Variants in RGPD1 observed in about 807,000 individuals in gnomAD.
The protein encoded by RGPD1 is RANBP2 like and GRIP domain containing 1, also known as RANBP2-like and GRIP domain-containing protein 1.
RGPD1 carries 7 observed loss-of-function variants against 40.6 expected under a neutral mutation model. The ratio of observed to expected loss-of-function variants is 0.17; its 90% confidence interval spans 0.10 to 0.32. The LOEUF is 0.32. Among genes scored for constraint, RGPD1 ranks in the 10% least tolerant of loss-of-function variants. The probability of loss-of-function intolerance (pLI) is 1.00; values close to 1 mark genes in which losing one functional copy is unlikely to be tolerated. For synonymous variants in RGPD1, 24 were observed against 167.0 expected (o/e 0.14, Z 6.60); for missense variants, 50 against 472.5 (o/e 0.11, Z 8.29).
chr2:86,932,919 GAGT>G (rs1679080951), intron 1 of RGPD1, among the ~76,000 whole-genome samples: 1 of 133,386 alleles, frequency 7.5e-6, no homozygotes, highest in Admixed American at 7.8e-5. Flanking sequence ...CTTATTTTAA[GAGT>G]AGGACATTAT....
rs1558799340 is a variant in RGPD1, at chr2:86,942,407, A to G, written c.72+99A>G. Reference sequence around the variant, plus strand: ...TCGACCTGGCCGGGCGGCGGCCTCGATGGCTCAGGCGTCATGGCTCCCGAC... The same window carrying G: ...TCGACCTGGCCGGGCGGCGGCCTCGGTGGCTCAGGCGTCATGGCTCCCGAC... On this transcript the variant is annotated intron_variant, in intron 1 of 22. Transcript: ENST00000641458. The G allele has an allele frequency of 7.5e-6, 9 of 1,199,814 alleles. No homozygotes were observed. The African/African-American group carries it at 9.4e-5, about 13-fold the overall frequency. The allele number at this position is 1,199,814 out of a possible 1,614,324, so 74.3% of individuals were successfully genotyped here. A position where few individuals can be genotyped will look rare whatever the true frequency, so the allele number is the denominator to read the frequency against.
intron 4 of RGPD1, among the ~76,000 whole-genome samples, chr2:86,954,762 G>A (rs1477365958): frequency 6.6e-6 from 1 of 150,530 alleles, no homozygotes; most frequent in Non-Finnish European, 1.5e-5. Flanking sequence ...GGTACAATGT[G>A]TATGTATAGT....
intron 1 of RGPD1, among the ~76,000 whole-genome samples, chr2:86,931,965 ATATT>A (rs1451332892): frequency 9.2e-4 from 137 of 148,336 alleles, no homozygotes; most frequent in African/African-American, 2.8e-3. Context: ...CATTATATAT[ATATT>A]TATATATAAT....
rs1383805069 is a variant in RGPD1, at chr2:86,943,698, CTG to C, written c.72+1392_72+1393del. Among the ~76,000 whole-genome samples the C allele has an allele frequency of 1.7e-4, 26 of 152,298 alleles. No homozygotes were observed. The East Asian group carries it at 3.1e-3, about 18-fold the overall frequency. On this transcript the variant is annotated intron_variant, in intron 1 of 22. Coordinates refer to ENST00000641458, the MANE Select transcript of RGPD1 (RefSeq NM_001382344.1). ...AGCACTAAGTGTTAGCTACAAGTCA[CTG>C]TTTTTATTGTTGATGTTAAAAGGAT...
intron 1 of RGPD1, among the ~76,000 whole-genome samples, chr2:86,931,682 A>G (rs374827127): frequency 6.6e-6 from 1 of 151,330 alleles, no homozygotes; most frequent in East Asian, 1.9e-4. Context: ...CATAAATCAT[A>G]CATTCTTGAA....
intron 1 of RGPD1, among the ~76,000 whole-genome samples, chr2:86,929,447 A>T (rs1186532331): frequency 1.3e-5 from 2 of 151,616 alleles, no homozygotes; most frequent in African/African-American, 4.8e-5. Context: ...AGACACAGAA[A>T]TGTTAATTCA....
intron 1 of RGPD1, among the ~76,000 whole-genome samples, chr2:86,944,083 C>T (rs921361683): frequency 4.6e-5 from 7 of 152,066 alleles, no homozygotes; most frequent in Admixed American, 6.6e-5. Flanking sequence ...ATAATTGTGT[C>T]TCTTATCATA....
At position 86,931,370 on chromosome 2, in the gene RGPD1, C is replaced by G. The variant is rs1190714295; in HGVS notation, c.72+17449C>G. 2.0e-5 allele frequency among the ~76,000 whole-genome samples: 3 copies of G among 150,974 alleles called. No homozygotes were observed. The East Asian group carries it at 5.9e-4, about 30-fold the overall frequency. On this transcript the variant is annotated intron_variant, in intron 1 of 22. Coordinates refer to the RGPD1 transcript ENST00000398193. ...TTACTTGATCCTCCGTGCTTGACTT[C>G]CTAATCTATGTTCTGGTTTATGTTT...
Position 86,998,464 on chromosome 2 carries a change from G to T in RGPD1, c.5236+706G>T, listed in dbSNP as rs1312778302. Among the ~76,000 whole-genome samples the T allele has an allele frequency of 1.3e-4, 3 of 23,594 alleles. No individual in the cohort carries two copies. The Admixed American group carries it at 1.6e-3, about 13-fold the overall frequency. The allele number at this position is 23,594 out of a possible 152,430, so 15.5% of individuals were successfully genotyped here. A position where few individuals can be genotyped will look rare whatever the true frequency, so the allele number is the denominator to read the frequency against. On this transcript the variant is annotated intron_variant, in intron 22 of 22. Transcript: ENST00000641458. The stretch of plus-strand genomic sequence containing the variant: ...CACGAGGTGGAGGTTGCAGTGATCT[G>T]TCACGCCACTGTACTCCAGCCTGAC...
upstream of RGPD1, among the ~76,000 whole-genome samples, chr2:86,939,598 GAAA>G: frequency 7.3e-6 from 1 of 136,216 alleles, no homozygotes; most frequent in South Asian, 2.3e-4. Context: ...AAAAAAGAAA[GAAA>G]GAAAGAAAAG....
intron 1 of RGPD1, among the ~76,000 whole-genome samples, chr2:86,926,548 T>C (rs1253196734): frequency 1.3e-5 from 2 of 152,160 alleles, no homozygotes; most frequent in African/African-American, 4.8e-5. Flanking sequence ...CCCTCACAGC[T>C]TTCTGTCCTG....
At chr2:86,923,394 T>A (rs1040380247) in intron 1 of RGPD1, among the ~76,000 whole-genome samples, 2 of 151,772 alleles carry the variant, frequency 1.3e-5, no homozygotes, top group Non-Finnish European at 2.9e-5. Context: ...TGTGGTGTAA[T>A]TTACAAAAAT....
chr2:86,938,529 G>A (rs1480185505), upstream of RGPD1, among the ~76,000 whole-genome samples: 1 of 148,654 alleles, frequency 6.7e-6, no homozygotes, highest in Non-Finnish European at 1.5e-5. Flanking sequence ...GTAGGCATGG[G>A]CAACGCCTAG....
At chr2:86,918,585 G>A (rs1275246663) in intron 1 of RGPD1, among the ~76,000 whole-genome samples, 3 of 144,682 alleles carry the variant, frequency 2.1e-5, no homozygotes, top group South Asian at 2.3e-4. Context: ...TCAGCCTCCC[G>A]AGTAGCCGGG....
intron 1 of RGPD1, among the ~76,000 whole-genome samples, chr2:86,920,344 A>G (rs1385663365): frequency 3.3e-5 from 5 of 151,492 alleles, no homozygotes; most frequent in African/African-American, 1.2e-4. Flanking sequence ...TGCTAGGATT[A>G]CAGGTGTGAA....
At chr2:86,923,691 GAT>G (rs1678223930) in intron 1 of RGPD1, among the ~76,000 whole-genome samples, 1 of 110,024 alleles carries the variant, frequency 9.1e-6, no homozygotes. Flanking sequence ...TTTTAGTAGA[GAT>G]AGGGTTTCAC....
At chr2:86,926,024 A>G (rs906557324) in intron 1 of RGPD1, among the ~76,000 whole-genome samples, 2 of 152,290 alleles carry the variant, frequency 1.3e-5, no homozygotes, top group African/African-American at 4.8e-5. Context: ...ATACTTGTAA[A>G]TAAACTTGTG....
intron 21 of RGPD1, among the ~76,000 whole-genome samples, chr2:86,997,354 A>T (rs1400540197): frequency 3.1e-5 from 1 of 31,824 alleles, no homozygotes; most frequent in Non-Finnish European, 6.2e-5. Flanking sequence ...TCCGGTTTTC[A>T]TGTCAAATGG....
In RGPD1 at chr2:86,960,517, G is replaced by A. The variant is rs1370672613; in HGVS notation, c.779+2090G>A. ...TGGGATTACAGGCGTGAGCCACCGC[G>A]CTCAGCCCACACCTGGCTAATTTTT... On this transcript the variant is annotated intron_variant, in intron 6 of 22. Transcript: ENST00000641458. Among the ~76,000 whole-genome samples, 4 of 104,162 alleles carry A rather than the reference G, an allele frequency of 3.8e-5. 1 individual carries two copies. Among genetic ancestry groups the A allele is most frequent in the Admixed American group, 1.7e-4 (2 of 11,658 alleles). 68.3% of individuals were successfully genotyped at this position (104,162 alleles called of 152,430 possible). A position where few individuals can be genotyped will look rare whatever the true frequency, so the allele number is the denominator to read the frequency against.
Sources: allele counts gnomAD v4.1 joint callset (sites outside exome capture counted in the v4.1 genomes callset), GRCh38; gene constraint gnomAD v4.1.1; transcripts MANE v1.5; gene names NCBI Gene and HGNC (gene_info 2026-07-23, HGNC 2026-07-21).